NKAIN2: variants seen among roughly 807,000 people sequenced by gnomAD.
NKAIN2 encodes sodium/potassium-transporting ATPase subunit beta-1-interacting protein 2.
A neutral mutation model predicts 32.6 loss-of-function variants in NKAIN2; 14 were observed. The observed-to-expected ratio is 0.43, with a 90% confidence interval of 0.28 to 0.67. The LOEUF (loss-of-function observed/expected upper bound fraction) is 0.67, where lower values mean the gene tolerates loss of function less well. Among genes scored for constraint, NKAIN2 ranks in the 30% least tolerant of loss-of-function variants. NKAIN2 has a pLI of 0.17. For synonymous variants in NKAIN2, 80 were observed against 87.2 expected (o/e 0.92, Z 0.46); for missense variants, 198 against 258.3 (o/e 0.77, Z 1.60).
At chr6:124,500,748 G>T (rs1778257801) in intron 3 of NKAIN2, among the ~76,000 whole-genome samples, 1 of 151,918 alleles carries the variant, frequency 6.6e-6, no homozygotes, top group South Asian at 2.1e-4. Context: ...AGACAACAAT[G>T]TATAGTCACG....
chr6:124,716,092 A>G (rs1775738055), intron 4 of NKAIN2, among the ~76,000 whole-genome samples: 1 of 152,232 alleles, frequency 6.6e-6, no homozygotes, highest in Non-Finnish European at 1.5e-5. Context: ...TTATTTATTA[A>G]AAGATACACA....
At chr6:124,649,931 C>A (rs1297927448) in intron 3 of NKAIN2, among the ~76,000 whole-genome samples, 1 of 152,042 alleles carries the variant, frequency 6.6e-6, no homozygotes, top group Non-Finnish European at 1.5e-5. Context: ...AAGCATTTGG[C>A]AAAATCCAGC....
intron 3 of NKAIN2, among the ~76,000 whole-genome samples, chr6:124,426,327 A>T (rs1774980300): frequency 6.6e-6 from 1 of 152,202 alleles, no homozygotes; most frequent in Admixed American, 6.5e-5. Context: ...TTAAAAAATG[A>T]TAAAACTGAC....
chr6:124,052,814 G>C (rs1287845990), intron 1 of NKAIN2, among the ~76,000 whole-genome samples: 1 of 152,026 alleles, frequency 6.6e-6, no homozygotes, highest in Non-Finnish European at 1.5e-5. Context: ...TTGTATTAGA[G>C]GGCATATGTG....
At chr6:124,232,389 C>T (rs541178716) in intron 1 of NKAIN2, among the ~76,000 whole-genome samples, 12 of 152,082 alleles carry the variant, frequency 7.9e-5, no homozygotes, top group Admixed American at 3.9e-4. Flanking sequence ...AGAGAAGAAC[C>T]TGGACAGAGA....
At chr6:124,500,181 T>G (rs1778229176) in intron 3 of NKAIN2, among the ~76,000 whole-genome samples, 1 of 152,206 alleles carries the variant, frequency 6.6e-6, no homozygotes, top group Non-Finnish European at 1.5e-5. Context: ...GAACTTATTT[T>G]CATGAAATGA....
chr6:124,044,459 T>C (rs1358712469), intron 1 of NKAIN2, among the ~76,000 whole-genome samples: 1 of 152,054 alleles, frequency 6.6e-6, no homozygotes, highest in Non-Finnish European at 1.5e-5. Flanking sequence ...GAAGTAGTTC[T>C]CCCCTCAGTA....
chr6:124,561,581 G>A (rs2114894141), intron 3 of NKAIN2, among the ~76,000 whole-genome samples: 1 of 152,230 alleles, frequency 6.6e-6, no homozygotes, highest in Non-Finnish European at 1.5e-5. Flanking sequence ...AGATCGCAGT[G>A]CTTAAGATGT....
chr6:123,814,743 G>A (rs996396497), intron 1 of NKAIN2, among the ~76,000 whole-genome samples: 2 of 152,054 alleles, frequency 1.3e-5, no homozygotes, highest in African/African-American at 2.4e-5. Flanking sequence ...ACAAACTAGG[G>A]TCATTGCATA....
chr6:124,408,390 G>A (rs1241662749), intron 3 of NKAIN2, among the ~76,000 whole-genome samples: 4 of 152,146 alleles, frequency 2.6e-5, no homozygotes. Flanking sequence ...GTAAGGAAGG[G>A]ATCCAGTTTC....
chr6:124,363,093 C>T (rs1289811971), intron 3 of NKAIN2, among the ~76,000 whole-genome samples: 1 of 152,102 alleles, frequency 6.6e-6, no homozygotes, highest in Non-Finnish European at 1.5e-5. Context: ...CATTGGCCTC[C>T]CAAAGTGTTG....
intron 1 of NKAIN2, among the ~76,000 whole-genome samples, chr6:123,954,093 G>T (rs961925254): frequency 3.9e-5 from 6 of 152,192 alleles, no homozygotes; most frequent in African/African-American, 1.4e-4. Context: ...AACCTTGGAG[G>T]CAGCAGCCAG....
intron 4 of NKAIN2, among the ~76,000 whole-genome samples, chr6:124,683,580 G>A (rs1221633303): frequency 6.6e-6 from 1 of 152,150 alleles, no homozygotes; most frequent in African/African-American, 2.4e-5. Context: ...CTGCAAGGCT[G>A]AGCAGCACAT....
intron 3 of NKAIN2, among the ~76,000 whole-genome samples, chr6:124,410,612 C>G (rs912681761): frequency 6.6e-6 from 1 of 152,180 alleles, no homozygotes; most frequent in Non-Finnish European, 1.5e-5. Context: ...AGCTTTACTT[C>G]CAACCATGTG....
chr6:124,377,583 A>G (rs1800047710), intron 3 of NKAIN2, among the ~76,000 whole-genome samples: 1 of 152,128 alleles, frequency 6.6e-6, no homozygotes, highest in Admixed American at 6.5e-5. Context: ...AATAATCCTG[A>G]TAAAAAGCTG....
rs114659511 is a variant in NKAIN2, at chr6:124,602,550, G to T, written c.274-55636G>T. On this transcript the variant is annotated intron_variant, in intron 3 of 6. Transcript: ENST00000368417. The stretch of plus-strand genomic sequence containing the variant: ...AATAAATGCAAATTGTGGATGGGGG[G>T]ACAAAAAAAGAGATGGAAAGACAAA... Among the ~76,000 whole-genome samples, 839 of 151,676 alleles carry T rather than the reference G, an allele frequency of 5.5e-3. 5 individuals are homozygous for T. The highest frequency in any genetic ancestry group is 0.019 in the African/African-American group (804 of 41,436).
chr6:124,495,197 G>C (rs966590111), intron 3 of NKAIN2, among the ~76,000 whole-genome samples: 1 of 152,012 alleles, frequency 6.6e-6, no homozygotes, highest in Non-Finnish European at 1.5e-5. Flanking sequence ...GTCACCTTAG[G>C]GTAGGGGTTT....
chr6:124,233,573 C>G (rs1243549420), intron 1 of NKAIN2, among the ~76,000 whole-genome samples: 1 of 152,198 alleles, frequency 6.6e-6, no homozygotes, highest in Non-Finnish European at 1.5e-5. Context: ...CAAATTCACT[C>G]TCACATTTAA....
intron 1 of NKAIN2, among the ~76,000 whole-genome samples, chr6:124,150,689 G>T (rs1477360749): frequency 6.6e-6 from 1 of 152,078 alleles, no homozygotes. Context: ...AAGCATATCT[G>T]TAATGTCGGT....
Sources: allele counts gnomAD v4.1 joint callset (sites outside exome capture counted in the v4.1 genomes callset), GRCh38; gene constraint gnomAD v4.1.1; transcripts MANE v1.5; gene names NCBI Gene and HGNC (gene_info 2026-07-23, HGNC 2026-07-21).